POLR3A: variants seen among roughly 807,000 people sequenced by gnomAD.
The protein encoded by POLR3A is RNA polymerase III subunit A.
Under a neutral mutation model 152.8 loss-of-function variants are expected in POLR3A, and 112 were observed. That is an observed-to-expected ratio of 0.73 (90% CI 0.63 to 0.86). The LOEUF (loss-of-function observed/expected upper bound fraction) is 0.86. Ranked by LOEUF, POLR3A falls within the 40% of genes least tolerant of loss-of-function variation. POLR3A has a pLI of 0.00. For synonymous variants in POLR3A, 615 were observed against 652.1 expected (o/e 0.94, Z 0.87); for missense variants, 1,385 against 1,743.1 (o/e 0.79, Z 3.66).
Position 77,975,309 on chromosome 10 carries a change from G to A in POLR3A, c.*2169C>T, listed in dbSNP as rs1296473961. 2 of 152,230 alleles carry A rather than the reference G, an allele frequency of 1.3e-5. No individual in the cohort carries two copies. Among genetic ancestry groups the A allele is most frequent in the Non-Finnish European group, 2.9e-5 (2 of 68,060 alleles). The allele number at this position is 152,230 out of a possible 1,614,324, so 9.4% of individuals were successfully genotyped here. ...TGGGCAGGGCAGATGATCAAAGTAG[G>A]GAGAATTTTAACACCAGTCATGGGA... is the stretch of plus-strand genomic sequence containing the variant. On this transcript the variant is annotated 3_prime_UTR_variant, in exon 31 of 31. Transcript: ENST00000372371.
chr10:78,026,357 A>AAAT (rs1847634789), intron 1 of POLR3A, 128 bp from the exon 2 acceptor site: 1 of 887,654 alleles, frequency 1.1e-6, no homozygotes, highest in Middle Eastern at 2.4e-4. Context: ...ACCAGTATTA[A>AAAT]ATATATTTAA....
chr10:78,016,485 G>A (rs1847525217), intron 10 of POLR3A, among the ~76,000 whole-genome samples: 1 of 151,800 alleles, frequency 6.6e-6, no homozygotes, highest in South Asian at 2.1e-4. Flanking sequence ...AGGCCAAGGT[G>A]GGTGAATCAC....
At chr10:78,012,512 T>C (rs1432478471) in intron 11 of POLR3A, among the ~76,000 whole-genome samples, 1 of 151,904 alleles carries the variant, frequency 6.6e-6, no homozygotes, top group African/African-American at 2.4e-5. Context: ...TAATAAGTGA[T>C]TTTGGAGGTA....
intron 19 of POLR3A, among the ~76,000 whole-genome samples, chr10:77,996,538 A>T (rs934359719): frequency 1.2e-4 from 18 of 152,244 alleles, no homozygotes; most frequent in Admixed American, 5.2e-4. Flanking sequence ...AAATACCTCT[A>T]TGCAAATAAA....
intron 9 of POLR3A, 94 bp downstream of exon 9, chr10:78,019,068 T>C (rs1847552631): frequency 2.2e-6 from 2 of 895,036 alleles, no homozygotes; most frequent in Non-Finnish European, 3.8e-6. Flanking sequence ...TCACGCAAAC[T>C]GTATTTCTGG....
rs755352061 is a variant in POLR3A at position 78,026,116 on chromosome 10, T to A, written c.158A>T (p.Tyr53Phe). 10 of 1,614,166 alleles carry A rather than the reference T, an allele frequency of 6.2e-6. No homozygotes were observed. The highest frequency in any genetic ancestry group is 1.6e-4 in the Middle Eastern group (1 of 6,062). ...SQDNQHAPLL[Y>F]GVLDHRMGTS... ...TACCATCCTATGGTCGAGCACCCCA[T>A]ATAGCAAGGGGGCATGTTGGTTGTC... The change falls in exon 2 of 31, where the codon TAT (tyrosine) becomes TTT (phenylalanine). Residue 53 changes from tyrosine to phenylalanine, a missense_variant. By Grantham distance (22) the Tyr-to-Phe change is conservative. Around this residue, in one of 7 missense-constraint regions of POLR3A, gnomAD observed 493 missense variants for 647.5 expected, o/e 0.76. Transcript: ENST00000372371.
intron 16 of POLR3A, among the ~76,000 whole-genome samples, 162 bp from the exon 17 acceptor site, chr10:78,002,470 TATATGAAC>T (rs567352192): frequency 4.4e-4 from 67 of 152,374 alleles, no homozygotes; most frequent in Non-Finnish European, 8.1e-4. Flanking sequence ...ATGCCCTGGC[TATATGAAC>T]ATGTACATCT....
intron 1 of POLR3A, among the ~76,000 whole-genome samples, chr10:78,027,387 C>T (rs930807705): frequency 1.6e-4 from 24 of 151,926 alleles, no homozygotes; most frequent in Admixed American, 1.4e-3. Context: ...CAGCCGGGTG[C>T]GGTGGCTCAT....
intron 26 of POLR3A, among the ~76,000 whole-genome samples, chr10:77,983,651 CTTA>C (rs1269869964): frequency 2.0e-5 from 3 of 152,232 alleles, no homozygotes; most frequent in Non-Finnish European, 4.4e-5. Flanking sequence ...AACAAGACCA[CTTA>C]TCATAATACC....
At chr10:78,022,490 A>ATCCTT in intron 5 of POLR3A, 106 bp from the exon 6 acceptor site, 14 of 1,146,252 alleles carry the variant, frequency 1.2e-5, no homozygotes, top group Admixed American at 1.8e-5. Context: ...CACTAAGGAT[A>ATCCTT]AGTGACAACA....
rs568167003 is a variant in POLR3A, at chr10:77,987,752, C to T, written c.2902-1593G>A. 1.4e-4 allele frequency among the ~76,000 whole-genome samples: 21 copies of T among 152,356 alleles called. No homozygotes were observed. The South Asian group carries it at 4.1e-3, about 30-fold the overall frequency. ...TACTACCCTTTCTACAAGCAAACTG[C>T]TAGAACTTTATGTTCCTGTTAAAAT... is the stretch of plus-strand genomic sequence containing the variant. On this transcript the variant is annotated intron_variant, in intron 21 of 30. Coordinates refer to ENST00000372371, the MANE Select transcript of POLR3A (RefSeq NM_007055.4).
rs376585106 is a variant in POLR3A, at chr10:78,019,247, T to C, written c.1204A>G (p.Asn402Asp). The change falls in exon 9 of 31, where the codon AAT becomes GAT. Residue 402 changes from asparagine (N) to aspartate (D), a missense_variant. Physicochemically the swap from Asn to Asp is conservative, Grantham distance 23. Around this residue, in one of 7 missense-constraint regions of POLR3A, gnomAD observed 493 missense variants for 647.5 expected, o/e 0.76. Transcript: ENST00000372371. ...FPEKVNKANINFLRKLVQNGP... is the reference protein window; with the variant it reads ...FPEKVNKANIDFLRKLVQNGP... ...TTTTGAACCAGTTTCCTCAAGAAAT[T>C]GATGTTTGCTTTGTTTACCTGCAGT... 1 of 1,613,812 alleles carries C rather than the reference T, an allele frequency of 6.2e-7. No homozygotes were observed. The highest frequency in any genetic ancestry group is 8.5e-7 in the Non-Finnish European group (1 of 1,179,812).
intron 30 of POLR3A, among the ~76,000 whole-genome samples, chr10:77,978,622 A>G (rs1381262351): frequency 2.0e-5 from 3 of 148,172 alleles, no homozygotes; most frequent in Non-Finnish European, 4.5e-5. Context: ...CTCTGGCCCC[A>G]TTCTAACTGC....
chr10:78,014,463 C>G (rs1245056102), intron 10 of POLR3A, among the ~76,000 whole-genome samples: 2 of 152,154 alleles, frequency 1.3e-5, no homozygotes, highest in African/African-American at 4.8e-5. Flanking sequence ...GTTGTCCTGG[C>G]TGGAGTGCAA....
At chr10:78,004,330 T>C (rs1267971485) in intron 16 of POLR3A, among the ~76,000 whole-genome samples, 1 of 152,106 alleles carries the variant, frequency 6.6e-6, no homozygotes, top group Non-Finnish European at 1.5e-5. Context: ...TGAAGGATGC[T>C]GAAAATAGAA....
chr10:78,026,205 C>T lies in POLR3A; in HGVS notation c.69G>A (p.Lys23=). 1 of 1,614,196 alleles carries T rather than the reference C, an allele frequency of 6.2e-7. No homozygotes were observed. The highest frequency in any genetic ancestry group is 8.5e-7 in the Non-Finnish European group (1 of 1,180,028). Residue 23 remains lysine, a synonymous_variant, in exon 2 of 31, where the codon AAG becomes AAA. Transcript: ENST00000372371. The stretch of plus-strand genomic sequence containing the variant: ...CCTGCTGGCGCATCTCCTCAGGTGA[C>T]TTCATTCCAAAACAGATGTGGCTTC... The part of the protein sequence containing the change: ...KKISHICFGM[K]SPEEMRQQAH...
At position 77,985,944 on chromosome 10, in the gene POLR3A, T is replaced by C. The variant is rs1219287686; in HGVS notation, c.3030A>G (p.Gln1010=). 2 of 1,614,100 alleles carry C rather than the reference T, an allele frequency of 1.2e-6. No individual in the cohort carries two copies. The highest frequency in any genetic ancestry group is 2.2e-5 in the South Asian group (2 of 91,082). The change falls in exon 23 of 31, where the codon CAA becomes CAG. Residue 1010 remains glutamine, a synonymous_variant. Coordinates refer to ENST00000372371, the MANE Select transcript of POLR3A (RefSeq NM_007055.4). ...LYQLDRITPT[Q]VEKFLETCRD... ...TACAGGTCTCCAGAAACTTTTCTAC[T>C]TGGGTGGGGGTGATGCGGTCCAGCT...
At chr10:77,994,485 TA>T (rs1175648672) in intron 19 of POLR3A, among the ~76,000 whole-genome samples, 1 of 146,986 alleles carries the variant, frequency 6.8e-6, no homozygotes, top group African/African-American at 2.5e-5. Context: ...TTTAAGTAGT[TA>T]AAAACATTAC....
chr10:77,993,175 C>T (rs780699888), intron 20 of POLR3A, 22 bp downstream of exon 20: 1 of 1,588,462 alleles, frequency 6.3e-7, no homozygotes, highest in South Asian at 1.1e-5. Flanking sequence ...ACTCTAACCC[C>T]AGATATAATG....
Sources: allele counts gnomAD v4.1 joint callset (sites outside exome capture counted in the v4.1 genomes callset), GRCh38; gene constraint gnomAD v4.1.1; regional missense constraint gnomAD v4.1.1; transcripts MANE v1.5; gene names NCBI Gene and HGNC (gene_info 2026-07-23, HGNC 2026-07-21).